Variants in DNAAF11 observed in about 807,000 individuals in gnomAD.
DNAAF11 encodes leucine rich repeat containing 6.
DNAAF11 carries 45 observed loss-of-function variants against 60.8 expected under a neutral mutation model. The observed-to-expected ratio is 0.74, with a 90% CI of 0.58 to 0.95. The LOEUF (loss-of-function observed/expected upper bound fraction) is 0.95, where lower values mean the gene tolerates loss of function less well. Among genes scored for constraint, DNAAF11 ranks in the 40% least tolerant of loss-of-function variants. The probability of loss-of-function intolerance (pLI) is 0.00; values close to 1 mark genes in which losing one functional copy is unlikely to be tolerated. For missense variants in DNAAF11, 546 were observed against 546.2 expected, an observed-to-expected ratio of 1.00 and a Z score of 0.00; for synonymous variants, 191 against 183.5, an observed-to-expected ratio of 1.04 and a Z score of -0.33.
the DNAAF11 span, among the ~76,000 whole-genome samples, chr8:132,684,853 C>T: frequency 7.2e-5 from 11 of 152,150 alleles, no homozygotes; most frequent in Non-Finnish European, 1.2e-4. Context: ...ACATTGATGT[C>T]CTATGATGCT....
intron 11 of DNAAF11, among the ~76,000 whole-genome samples, chr8:132,578,123 C>G (rs751025799): frequency 6.6e-6 from 1 of 151,996 alleles, no homozygotes; most frequent in Non-Finnish European, 1.5e-5. Flanking sequence ...CTAAGTTCAT[C>G]TAGTATAATT....
chr8:132,654,467 T>G (rs1193814360), intron 3 of DNAAF11, among the ~76,000 whole-genome samples: 1 of 151,996 alleles, frequency 6.6e-6, no homozygotes, highest in Non-Finnish European at 1.5e-5. Flanking sequence ...AATGGCAGCA[T>G]GTACAATCTT....
intron 10 of DNAAF11, among the ~76,000 whole-genome samples, chr8:132,595,348 G>GAAAAAAAAAAAAAAAAAAAAA (rs71306394): frequency 7.0e-5 from 4 of 57,412 alleles, no homozygotes; most frequent in African/African-American, 4.5e-4. Flanking sequence ...AGACAGAGGG[G>GAAAAAAAAAAAAAAAAAAAAA]AAAAAAAAAA....
rs532628556 is a variant in DNAAF11 at position 132,673,623 on chromosome 8, T to C, written c.10+1861A>G. Among the ~76,000 whole-genome samples the C allele has an allele frequency of 3.5e-4, 53 of 152,292 alleles. No homozygotes were observed. The South Asian group carries it at 0.011, about 31-fold the overall frequency. Reference sequence around the variant, plus strand: ...TCTGTCTCACACCAGTTCCTGTCAGTGACAATTAGCCACCAAGAAGCCCTG... The same window carrying C: ...TCTGTCTCACACCAGTTCCTGTCAGCGACAATTAGCCACCAAGAAGCCCTG... On this transcript the variant is annotated intron_variant, in intron 1 of 11. Coordinates refer to ENST00000620350, the MANE Select transcript of DNAAF11 (RefSeq NM_012472.6).
At chr8:132,605,916 T>C (rs1177473783) in intron 10 of DNAAF11, among the ~76,000 whole-genome samples, 1 of 149,434 alleles carries the variant, frequency 6.7e-6, no homozygotes, top group Non-Finnish European at 1.5e-5. Flanking sequence ...AGGAAGGAAG[T>C]GGTAGAAGAT....
At chr8:132,601,326 G>C (rs555737112) in intron 10 of DNAAF11, among the ~76,000 whole-genome samples, 1 of 152,142 alleles carries the variant, frequency 6.6e-6, no homozygotes, top group African/African-American at 2.4e-5. Flanking sequence ...CTGTTGGTGG[G>C]ACTGTAAACT....
intron 10 of DNAAF11, among the ~76,000 whole-genome samples, chr8:132,595,544 C>G (rs907533293): frequency 3.3e-5 from 5 of 151,916 alleles, no homozygotes; most frequent in Admixed American, 2.6e-4. Flanking sequence ...CTATTATTTG[C>G]AAGATGTATA....
At chr8:132,622,869 G>C (rs1819900156) in intron 6 of DNAAF11, 181 bp from the exon 7 acceptor site, 1 of 544,494 alleles carries the variant, frequency 1.8e-6, no homozygotes, top group Non-Finnish European at 3.2e-6. Flanking sequence ...GCTGGGAACT[G>C]ACAATCAAGC....
chr8:132,578,557 G>T, intron 11 of DNAAF11: 2 of 1,246,944 alleles, frequency 1.6e-6, no homozygotes, highest in Non-Finnish European at 2.2e-6. Flanking sequence ...ATGGAAGTAA[G>T]CAAGAAAAAA....
At chr8:132,616,506 T>C (rs901416210) in intron 7 of DNAAF11, among the ~76,000 whole-genome samples, 1 of 152,008 alleles carries the variant, frequency 6.6e-6, no homozygotes, top group East Asian at 1.9e-4. Flanking sequence ...GACGCACTGA[T>C]AAAATGAGGG....
the DNAAF11 span, chr8:132,687,630 C>G: frequency 2.2e-6 from 1 of 456,088 alleles, no homozygotes; most frequent in Non-Finnish European, 4.4e-6. Flanking sequence ...TAATCCTCAC[C>G]CATCGTGTGG....
chr8:132,648,743 G>A (rs1425856136), intron 3 of DNAAF11, among the ~76,000 whole-genome samples: 1 of 152,126 alleles, frequency 6.6e-6, no homozygotes, highest in African/African-American at 2.4e-5. Context: ...CAAATCATGA[G>A]TGAACTCCCA....
At chr8:132,631,390 T>C (rs939772631) in intron 5 of DNAAF11, among the ~76,000 whole-genome samples, 1 of 152,370 alleles carries the variant, frequency 6.6e-6, no homozygotes, top group African/African-American at 2.4e-5. Context: ...ACCTCTGGGA[T>C]AAATTGTAAT....
intron 11 of DNAAF11, among the ~76,000 whole-genome samples, chr8:132,578,120 C>T (rs777321437): frequency 2.0e-5 from 3 of 151,988 alleles, no homozygotes; most frequent in Non-Finnish European, 4.4e-5. Flanking sequence ...TATCTAAGTT[C>T]ATCTAGTATA....
At chr8:132,693,539 G>T in the DNAAF11 span, among the ~76,000 whole-genome samples, 2 of 151,898 alleles carry the variant, frequency 1.3e-5, no homozygotes, top group African/African-American at 4.8e-5. Context: ...ACAGCAGTAA[G>T]ACAACTAGAA....
In DNAAF11 at chr8:132,589,913, A is replaced by C. The variant is rs1816286188; in HGVS notation, c.1141-6134T>G. 2.6e-5 allele frequency among the ~76,000 whole-genome samples: 4 copies of C among 152,336 alleles called. No homozygotes were observed. The South Asian group carries it at 8.3e-4, about 32-fold the overall frequency. ...CCCAGAGTGGAAGATCATGAAAGTT[A>C]ACATGAAGGTTAAGGGGATGGTTTC... On this transcript the variant is annotated intron_variant, in intron 10 of 11. Transcript: ENST00000620350.
chr8:132,637,940 AT>A lies in DNAAF11; in HGVS notation c.423del (p.Gln141HisfsTer2). The part of the protein sequence containing the change: ...YREFVVATLP[Q>X]LKWLDGKEIE... ...CACCATTAAAAGAACCATACCTTTAATTGTGGAAGAGTTGCTACCACGAACT... is the reference window on the plus strand; with the variant it reads ...CACCATTAAAAGAACCATACCTTTAATGTGGAAGAGTTGCTACCACGAACT... On this transcript the variant is annotated frameshift_variant, in exon 4 of 12. Transcript: ENST00000620350. LOFTEE classifies it high-confidence loss of function. The A allele has an allele frequency of 6.2e-7, 1 of 1,604,836 alleles. No homozygotes were observed. Among genetic ancestry groups the A allele is most frequent in the Non-Finnish European group, 8.5e-7 (1 of 1,175,958 alleles).
chr8:132,646,097 G>C (rs1390578154), intron 3 of DNAAF11, among the ~76,000 whole-genome samples: 2 of 152,134 alleles, frequency 1.3e-5, no homozygotes, highest in African/African-American at 4.8e-5. Context: ...GAAAGGTTGG[G>C]TTACCCACAA....
At chr8:132,638,312 A>T (rs1821510966) in intron 3 of DNAAF11, among the ~76,000 whole-genome samples, 1 of 152,082 alleles carries the variant, frequency 6.6e-6, no homozygotes, top group African/African-American at 2.4e-5. Context: ...GTCTCTCCTT[A>T]TTTTCACCGT....
Sources: gnomAD v4.1 joint callset for allele counts (sites outside exome capture counted in the v4.1 genomes callset) on GRCh38, gnomAD v4.1.1 for gene constraint, MANE v1.5 for transcripts, NCBI Gene and HGNC (gene_info 2026-07-23, HGNC 2026-07-21) for gene names.